LMNB1: variants seen among roughly 807,000 people sequenced by gnomAD.
LMNB1 encodes lamin-B1.
Under a neutral mutation model 67.1 loss-of-function variants are expected in LMNB1, and 23 were observed. The ratio of observed to expected loss-of-function variants is 0.34; its 90% CI spans 0.25 to 0.49. The LOEUF is 0.49. Ranked by LOEUF, LMNB1 falls within the 20% of genes least tolerant of loss-of-function variation. LMNB1 has a pLI of 0.99. For synonymous variants in LMNB1, 281 were observed against 282.9 expected (o/e 0.99, Z 0.07); for missense variants, 634 against 746.5 (o/e 0.85, Z 1.76).
At chr5:126,826,242 G>A in intron 9 of LMNB1, 135 bp downstream of exon 9, 1 of 1,009,052 alleles carries the variant, frequency 9.9e-7, no homozygotes. Flanking sequence ...TAATTGAACT[G>A]AAGCTGTCTT....
chr5:126,785,871 G>A (rs1355576254), intron 1 of LMNB1, among the ~76,000 whole-genome samples: 1 of 151,502 alleles, frequency 6.6e-6, no homozygotes, highest in African/African-American at 2.4e-5. Context: ...AAAATTAGCC[G>A]GGCATGGTGG....
rs1289508805 is a variant in LMNB1 at position 126,818,932 on chromosome 5, G to C, written c.950G>C (p.Cys317Ser). Residue 317 changes from cysteine (C) to serine (S), a missense_variant, in exon 6 of 11, where the codon TGT (cysteine) becomes TCT (serine). Transcript: ENST00000261366. ...LSNLQKESRA[C>S]LERIQELEDL... ...TCCTTGCATCTTAAGTCTAGAGCATGTTTGGAAAGGATTCAAGAATTAGAG... is the reference window on the plus strand; with the variant it reads ...TCCTTGCATCTTAAGTCTAGAGCATCTTTGGAAAGGATTCAAGAATTAGAG... The C allele has an allele frequency of 6.2e-7, 1 of 1,612,668 alleles. No individual in the cohort carries two copies. The highest frequency in any genetic ancestry group is 1.1e-5 in the South Asian group (1 of 91,056).
At chr5:126,783,515 A>G (rs1439697514) in intron 1 of LMNB1, among the ~76,000 whole-genome samples, 2 of 152,166 alleles carry the variant, frequency 1.3e-5, no homozygotes, top group African/African-American at 4.8e-5. Context: ...CCTAAAAATG[A>G]TTTAAAAGTC....
At chr5:126,814,871 G>C (rs1042783474) in intron 5 of LMNB1, among the ~76,000 whole-genome samples, 1 of 152,144 alleles carries the variant, frequency 6.6e-6, no homozygotes, top group African/African-American at 2.4e-5. Flanking sequence ...ACTGTGCCTG[G>C]CTGCAAGTTT....
intron 5 of LMNB1, among the ~76,000 whole-genome samples, chr5:126,812,718 C>A (rs1247747149): frequency 8.5e-6 from 1 of 117,134 alleles, no homozygotes. Flanking sequence ...CTTTATTTTA[C>A]TTTTTTTTTT....
chr5:126,784,183 C>A (rs150048703), intron 1 of LMNB1, among the ~76,000 whole-genome samples: 11,922 of 150,424 alleles, frequency 0.079, 543 homozygotes, highest in Non-Finnish European at 0.1. Context: ...CGCCACTACA[C>A]CCGGCTGATT....
chr5:126,779,145 T>C lies in LMNB1; in HGVS notation c.359+1278T>C, dbSNP rs73333437. Among the ~76,000 whole-genome samples the C allele has an allele frequency of 2.5e-3, 375 of 152,320 alleles. 2 individuals are homozygous for C. The highest frequency in any genetic ancestry group is 8.8e-3 in the African/African-American group (366 of 41,566). ...TCTGCGTGAATGTCCCTGTCCGAAG[T>C]CTCTGAGATTTTGTGTATTTTTACT... On this transcript the variant is annotated intron_variant, in intron 1 of 10. Transcript: ENST00000261366.
At chr5:126,817,467 C>G (rs1751738966) in intron 5 of LMNB1, among the ~76,000 whole-genome samples, 1 of 152,118 alleles carries the variant, frequency 6.6e-6, no homozygotes, top group African/African-American at 2.4e-5. Context: ...TATGCTAACC[C>G]ATGTGTATGC....
chr5:126,825,848 A>G (rs1426605947), intron 8 of LMNB1, 140 bp from the exon 9 acceptor site: 4 of 1,118,208 alleles, frequency 3.6e-6, no homozygotes, highest in South Asian at 2.8e-5. Context: ...TCCTGGCCAC[A>G]TAGCTGTGTA....
chr5:126,812,510 A>T (rs554374958), intron 5 of LMNB1, among the ~76,000 whole-genome samples: 1 of 152,296 alleles, frequency 6.6e-6, no homozygotes, highest in African/African-American at 2.4e-5. Context: ...GGTGCTGCTT[A>T]AGCAGGCATG....
rs934144497 is a variant in LMNB1, at chr5:126,778,228, A to G, written c.359+361A>G. ...GGCCCCTCAGGCCCCAGGTGCGGGG[A>G]GCTGGAGCGCGAGCGCGCGCTCGCG... On this transcript the variant is annotated intron_variant, in intron 1 of 10. Coordinates refer to ENST00000261366, the MANE Select transcript of LMNB1 (RefSeq NM_005573.4). Among the ~76,000 whole-genome samples, 6 of 151,578 alleles carry G rather than the reference A, an allele frequency of 4.0e-5. No homozygotes were observed. In the East Asian group the frequency reaches 9.9e-4, roughly 25 times the overall value.
intron 1 of LMNB1, among the ~76,000 whole-genome samples, chr5:126,789,760 G>C (rs1750903540): frequency 6.6e-6 from 1 of 151,976 alleles, no homozygotes; most frequent in South Asian, 2.1e-4. Context: ...TGCAACCTCT[G>C]CCTTCCAGTT....
chr5:126,796,746 C>T (rs1379709699), intron 1 of LMNB1, among the ~76,000 whole-genome samples: 3 of 151,082 alleles, frequency 2.0e-5, no homozygotes, highest in African/African-American at 7.3e-5. Flanking sequence ...ATAAATATAT[C>T]CTTTCTAGCT....
chr5:126,803,183 C>CAA (rs112706675), intron 1 of LMNB1, among the ~76,000 whole-genome samples: 60 of 127,818 alleles, frequency 4.7e-4, no homozygotes, highest in South Asian at 7.6e-4. Flanking sequence ...GATGCCATCT[C>CAA]AAAAAAAAAA....
intron 1 of LMNB1, among the ~76,000 whole-genome samples, chr5:126,803,175 T>C (rs1332402927): frequency 7.4e-6 from 1 of 136,030 alleles, no homozygotes; most frequent in African/African-American, 2.7e-5. Context: ...GATGGTGAGA[T>C]GCCATCTCAA....
intron 3 of LMNB1, among the ~76,000 whole-genome samples, chr5:126,806,100 G>A (rs777369984): frequency 1.1e-4 from 17 of 152,016 alleles, no homozygotes; most frequent in East Asian, 1.9e-4. Context: ...AACTACAGGC[G>A]TGCGCCACCA....
intron 1 of LMNB1, among the ~76,000 whole-genome samples, chr5:126,788,958 G>T (rs1750880736): frequency 1.3e-5 from 2 of 150,718 alleles, no homozygotes; most frequent in South Asian, 4.2e-4. Flanking sequence ...GGATTGCAGT[G>T]GTGCATGGTT....
chr5:126,831,015 A>T (rs1438532208), intron 9 of LMNB1, among the ~76,000 whole-genome samples: 1 of 152,222 alleles, frequency 6.6e-6, no homozygotes, highest in African/African-American at 2.4e-5. Context: ...GAGAGGCTCA[A>T]AATGGTCCAT....
intron 9 of LMNB1, among the ~76,000 whole-genome samples, chr5:126,827,506 CAA>C (rs1752023667): frequency 6.6e-6 from 1 of 151,762 alleles, no homozygotes; most frequent in Non-Finnish European, 1.5e-5. Context: ...ACTAAAAACA[CAA>C]GAATTAGCCG....
Sources: gnomAD v4.1 joint callset for allele counts (sites outside exome capture counted in the v4.1 genomes callset) on GRCh38, gnomAD v4.1.1 for gene constraint, MANE v1.5 for transcripts, NCBI Gene and HGNC (gene_info 2026-07-23, HGNC 2026-07-21) for gene names.